POU2F3: variants seen among roughly 807,000 people sequenced by gnomAD.
The protein encoded by POU2F3 is POU class 2 homeobox 3, also known as POU domain, class 2, transcription factor 3.
A neutral mutation model predicts 59.2 loss-of-function variants in POU2F3; 23 were observed. The observed-to-expected ratio is 0.39, with a 90% CI of 0.28 to 0.55. The LOEUF is 0.55. Ranked by LOEUF, POU2F3 falls within the 20% of genes least tolerant of loss-of-function variation. The pLI, the probability that POU2F3 is intolerant of heterozygous loss-of-function variation, is 0.66. For missense variants in POU2F3, 473 were observed against 544.5 expected, an observed-to-expected ratio of 0.87 and a Z score of 1.31; for synonymous variants, 190 against 214.6, an observed-to-expected ratio of 0.89 and a Z score of 1.00.
intron 3 of POU2F3, among the ~76,000 whole-genome samples, chr11:120,290,976 C>CTAATGGGGGAGGTAAGAGCAAA (rs1397623414): frequency 2.6e-5 from 4 of 152,198 alleles, no homozygotes; most frequent in African/African-American, 9.7e-5. Context: ...TCTTCTCCTC[C>CTAATGGGGGAGGTAAGAGCAAA]TAATGGGGGA....
chr11:120,309,528 A>G lies in POU2F3; in HGVS notation c.1010A>G (p.Lys337Arg), dbSNP rs1170641643. 1 of 1,614,128 alleles carries G rather than the reference A, an allele frequency of 6.2e-7. No homozygotes were observed. The highest frequency in any genetic ancestry group is 1.3e-5 in the African/African-American group (1 of 75,018). The change falls in exon 10 of 13, where the codon AAG (lysine) becomes AGG (arginine). Residue 337 changes from lysine (K) to arginine (R), a missense_variant. By Grantham distance (26) the Lys-to-Arg change is conservative. Transcript: ENST00000543440. ...TTCTGCAACCGACGCCAAAAGGAGA[A>G]GCGAATCAACTGCCCTGTGGCCACA... is the stretch of plus-strand genomic sequence containing the variant. ...VWFCNRRQKEKRINCPVATPI... is the reference protein window; with the variant it reads ...VWFCNRRQKERRINCPVATPI...
At position 120,298,303 on chromosome 11, in the gene POU2F3, C is replaced by G. The variant is rs1941248049; in HGVS notation, c.171C>G (p.Thr57=). The G allele has an allele frequency of 3.1e-6, 5 of 1,613,542 alleles. No homozygotes were observed. Among genetic ancestry groups the G allele is most frequent in the Non-Finnish European group, 4.2e-6 (5 of 1,179,790 alleles). ...TEDLSDSLQQ[T]LSHRPCHLSQ... ...ATCTCAGTGACTCCCTGCAGCAGAC[C>G]CTCTCCCATCGGCCATGCCACCTGA... Residue 57 remains threonine, a synonymous_variant, in exon 4 of 13, where the codon ACC becomes ACG. Coordinates refer to ENST00000543440, the MANE Select transcript of POU2F3 (RefSeq NM_014352.4).
intron 2 of POU2F3, chr11:120,254,859 C>A (rs1055544095): frequency 6.6e-6 from 1 of 152,068 alleles, no homozygotes; most frequent in African/African-American, 2.4e-5. Flanking sequence ...TGCTGGTGGG[C>A]GCTCCTGGGG....
At chr11:120,236,842 C>T (rs1169389378), upstream of POU2F3, 1 of 839,332 alleles carries the variant, frequency 1.2e-6, no homozygotes, top group Non-Finnish European at 1.9e-6. Context: ...AGAGGGCACC[C>T]CAGCCTTCTA....
intron 3 of POU2F3, among the ~76,000 whole-genome samples, chr11:120,277,990 T>C (rs1385706225): frequency 2.0e-5 from 3 of 152,232 alleles, no homozygotes; most frequent in African/African-American, 4.8e-5. Context: ...TATGCTATCC[T>C]GGCTGCTCAA....
At chr11:120,239,967 G>C (rs985318969), upstream of POU2F3, among the ~76,000 whole-genome samples, 1 of 152,236 alleles carries the variant, frequency 6.6e-6, no homozygotes, top group Admixed American at 6.5e-5. Flanking sequence ...GTTGGAGCAG[G>C]CAGGTGTTCC....
intron 7 of POU2F3, 24 bp downstream of exon 7, chr11:120,305,236 G>A: frequency 6.2e-7 from 1 of 1,607,148 alleles, no homozygotes; most frequent in Non-Finnish European, 8.5e-7. Flanking sequence ...GGAAAAGATA[G>A]AAGAAGTCTA....
intron 9 of POU2F3, 33 bp from the exon 10 acceptor site, chr11:120,309,392 C>A: frequency 1.3e-6 from 2 of 1,574,394 alleles, no homozygotes; most frequent in South Asian, 1.1e-5. Flanking sequence ...ATTCCCTTCT[C>A]TTGGCCATAC....
upstream of POU2F3, chr11:120,240,075 G>T: frequency 4.5e-6 from 5 of 1,114,516 alleles, no homozygotes; most frequent in Non-Finnish European, 5.5e-6. Flanking sequence ...CTGGGGCCAG[G>T]CGCGGGGCTC....
intron 3 of POU2F3, among the ~76,000 whole-genome samples, chr11:120,291,439 T>C (rs1424045319): frequency 6.6e-6 from 1 of 152,242 alleles, no homozygotes; most frequent in Non-Finnish European, 1.5e-5. Context: ...GAAGTCATAC[T>C]GTAAAATGAA....
rs759120636 is a variant in POU2F3 at position 120,315,444 on chromosome 11, G to A, written c.1135+17G>A. The A allele has an allele frequency of 1.3e-6, 2 of 1,599,828 alleles. No individual in the cohort carries two copies. The highest frequency in any genetic ancestry group is 1.1e-5 in the South Asian group (1 of 90,672). On this transcript the variant is annotated intron_variant, in intron 11 of 12. Coordinates refer to ENST00000543440, the MANE Select transcript of POU2F3 (RefSeq NM_014352.4). ...CTGGAACAGGTGAGCTTTAAAATGA[G>A]ATTTCTGAAGAACACCAGAATTCTT...
In POU2F3 at chr11:120,292,385, A is replaced by T. The variant is rs191000717; in HGVS notation, c.133-5880A>T. ...AAAAACAAAAACAAAAACAAAAAAAAAGTGTGATGATGAACTGCATTTCTA... is the reference window on the plus strand; with the variant it reads ...AAAAACAAAAACAAAAACAAAAAAATAGTGTGATGATGAACTGCATTTCTA... On this transcript the variant is annotated intron_variant, in intron 3 of 12. Coordinates refer to ENST00000543440, the MANE Select transcript of POU2F3 (RefSeq NM_014352.4). 4.3e-3 allele frequency among the ~76,000 whole-genome samples: 660 copies of T among 152,234 alleles called. 6 individuals are homozygous for T. Among genetic ancestry groups the T allele is most frequent in the African/African-American group, 0.015 (614 of 41,542 alleles).
intron 2 of POU2F3, among the ~76,000 whole-genome samples, chr11:120,262,587 T>C (rs1422706714): frequency 6.6e-6 from 1 of 152,278 alleles, no homozygotes; most frequent in Admixed American, 6.5e-5. Context: ...ATCCCTCATT[T>C]AATTCTCACA....
At chr11:120,306,421 A>G (rs1173253147) in intron 8 of POU2F3, among the ~76,000 whole-genome samples, 1 of 152,240 alleles carries the variant, frequency 6.6e-6, no homozygotes, top group Non-Finnish European at 1.5e-5. Flanking sequence ...GGGCTTCTCA[A>G]CCTTGGCACT....
chr11:120,289,346 T>C (rs2135258540), intron 3 of POU2F3, among the ~76,000 whole-genome samples: 1 of 152,336 alleles, frequency 6.6e-6, no homozygotes, highest in East Asian at 1.9e-4. Context: ...AGTTCTTACT[T>C]AGGCAATTGC....
At chr11:120,263,546 C>G (rs1939694812) in intron 2 of POU2F3, among the ~76,000 whole-genome samples, 1 of 152,214 alleles carries the variant, frequency 6.6e-6, no homozygotes, top group Non-Finnish European at 1.5e-5. Context: ...TTAGCCTAAG[C>G]TGTTGATTAA....
At chr11:120,281,054 A>C (rs932405379) in intron 3 of POU2F3, among the ~76,000 whole-genome samples, 1 of 152,144 alleles carries the variant, frequency 6.6e-6, no homozygotes, top group African/African-American at 2.4e-5. Context: ...CCAACCAGAG[A>C]GTCGTCTTCT....
At chr11:120,292,786 A>G (rs1285712381) in intron 3 of POU2F3, among the ~76,000 whole-genome samples, 1 of 152,262 alleles carries the variant, frequency 6.6e-6, no homozygotes, top group East Asian at 1.9e-4. Context: ...CCTGGGCACC[A>G]TGAAGCATTA....
intron 8 of POU2F3, 99 bp from the exon 9 acceptor site, chr11:120,307,380 C>A: frequency 7.1e-7 from 1 of 1,405,588 alleles, no homozygotes; most frequent in Middle Eastern, 1.9e-4. Flanking sequence ...AATGCCACTG[C>A]AGAGCCCATC....
Sources: allele counts gnomAD v4.1 joint callset (sites outside exome capture counted in the v4.1 genomes callset), GRCh38; gene constraint gnomAD v4.1.1; transcripts MANE v1.5; gene names NCBI Gene and HGNC (gene_info 2026-07-23, HGNC 2026-07-21).